CRB1: variants seen among roughly 807,000 people sequenced by gnomAD.
The protein encoded by CRB1 is protein crumbs homolog 1.
In CRB1, 83 loss-of-function variants were observed where a neutral mutation model predicts 120.0. The ratio of observed to expected loss-of-function variants is 0.69; its 90% CI spans 0.58 to 0.83. CRB1 has a LOEUF of 0.83. Ranked by LOEUF, CRB1 falls within the 40% of genes least tolerant of loss-of-function variation. The pLI, the probability that CRB1 is intolerant of heterozygous loss-of-function variation, is 0.00. For synonymous variants in CRB1, 625 were observed against 612.5 expected, an observed-to-expected ratio of 1.02 and a Z score of -0.30; for missense variants, 1,699 against 1,687.6, an observed-to-expected ratio of 1.01 and a Z score of -0.12.
intron 11 of CRB1, among the ~76,000 whole-genome samples, chr1:197,461,198 C>T (rs1431406562): frequency 6.6e-6 from 1 of 152,108 alleles, no homozygotes; most frequent in African/African-American, 2.4e-5. Context: ...GATTTATTTG[C>T]AGAACTCTAA....
At chr1:197,211,710 T>G in the CRB1 span, among the ~76,000 whole-genome samples, 1 of 152,228 alleles carries the variant, frequency 6.6e-6, no homozygotes, top group African/African-American at 2.4e-5. Context: ...TATGCCATAT[T>G]CATAAAGTGG....
chr1:197,460,001 C>CTTTTTTTTTT lies in CRB1; in HGVS notation c.4006-17650_4006-17641dup, dbSNP rs10679172. On this transcript the variant is annotated intron_variant, in intron 11 of 11. Transcript: ENST00000367400. ...AGTAAGTCTTGCTTTAAGCCCCCCT[C>CTTTTTTTTTT]TTTTTTTTTTTTTTTTTTTTTTACT... Among the ~76,000 whole-genome samples the CTTTTTTTTTT allele has an allele frequency of 1.9e-3, 141 of 75,578 alleles. 4 individuals are homozygous for CTTTTTTTTTT. Among genetic ancestry groups the CTTTTTTTTTT allele is most frequent in the East Asian group, 2.7e-3 (5 of 1,842 alleles). 49.6% of individuals were successfully genotyped at this position (75,578 alleles called of 152,430 possible).
chr1:197,433,202 T>C (rs1208730316), intron 8 of CRB1, among the ~76,000 whole-genome samples: 1 of 152,032 alleles, frequency 6.6e-6, no homozygotes, highest in Non-Finnish European at 1.5e-5. Flanking sequence ...ATGTACACTC[T>C]TGTGGTTATG....
At chr1:197,209,231 G>A in the CRB1 span, among the ~76,000 whole-genome samples, 10 of 152,280 alleles carry the variant, frequency 6.6e-5, no homozygotes, top group African/African-American at 2.2e-4. Flanking sequence ...CTGCACTCCC[G>A]ATTTGCTCCC....
the CRB1 span, among the ~76,000 whole-genome samples, chr1:197,235,503 G>A: frequency 6.6e-6 from 1 of 152,218 alleles, no homozygotes; most frequent in Non-Finnish European, 1.5e-5. Flanking sequence ...TAACCTGCTA[G>A]ATGATGACAG....
At chr1:197,400,469 G>C (rs941529967) in intron 5 of CRB1, among the ~76,000 whole-genome samples, 5 of 116,272 alleles carry the variant, frequency 4.3e-5, no homozygotes, top group Admixed American at 2.9e-4. Context: ...AAGTAAAAGA[G>C]CATTTTTTTT....
chr1:197,282,966 A>T (rs987161994), intron 1 of CRB1, among the ~76,000 whole-genome samples: 3 of 151,832 alleles, frequency 2.0e-5, no homozygotes, highest in Non-Finnish European at 2.9e-5. Context: ...CCCAGGAATA[A>T]AGCTAGTGAA....
At chr1:197,332,975 G>A (rs1173310833) in intron 2 of CRB1, among the ~76,000 whole-genome samples, 1 of 152,196 alleles carries the variant, frequency 6.6e-6, no homozygotes, top group Non-Finnish European at 1.5e-5. Context: ...CAGCATGGAT[G>A]TGCTGGAGTG....
At chr1:197,457,381 G>T (rs1274267250) in intron 11 of CRB1, among the ~76,000 whole-genome samples, 2 of 152,050 alleles carry the variant, frequency 1.3e-5, no homozygotes, top group Non-Finnish European at 2.9e-5. Context: ...ATCAGAGAGA[G>T]GATAAGTATC....
intron 1 of CRB1, among the ~76,000 whole-genome samples, chr1:197,273,378 C>T: frequency 6.6e-6 from 1 of 152,054 alleles, no homozygotes; most frequent in South Asian, 2.1e-4. Context: ...TGATATTGAC[C>T]TTACTCACCT....
chr1:197,376,416 A>T (rs1179062304), intron 5 of CRB1, among the ~76,000 whole-genome samples: 2 of 152,228 alleles, frequency 1.3e-5, no homozygotes, highest in Admixed American at 6.5e-5. Context: ...CAAACAAAAT[A>T]ATCACAAAAC....
intron 5 of CRB1, among the ~76,000 whole-genome samples, chr1:197,360,030 C>A (rs866211763): frequency 1.3e-5 from 2 of 150,834 alleles, no homozygotes; most frequent in African/African-American, 4.9e-5. Flanking sequence ...ATTTCATTTT[C>A]TTTTGAGGGA....
intron 6 of CRB1, among the ~76,000 whole-genome samples, chr1:197,426,237 A>G (rs909837042): frequency 1.3e-4 from 19 of 151,944 alleles, no homozygotes; most frequent in African/African-American, 4.6e-4. Flanking sequence ...GACCACTTTC[A>G]CATTACCACT....
intron 5 of CRB1, among the ~76,000 whole-genome samples, chr1:197,402,175 T>C (rs1663098694): frequency 6.6e-6 from 1 of 152,088 alleles, no homozygotes; most frequent in Non-Finnish European, 1.5e-5. Context: ...CAATAGTTAT[T>C]TAGTTATTTT....
At chr1:197,320,900 C>T (rs767544647) in intron 1 of CRB1, among the ~76,000 whole-genome samples, 11 of 152,110 alleles carry the variant, frequency 7.2e-5, no homozygotes, top group African/African-American at 2.7e-4. Flanking sequence ...GTAGAGCCAT[C>T]CTTATACTTT....
chr1:197,312,190 A>G (rs187733580), intron 1 of CRB1, among the ~76,000 whole-genome samples: 2 of 152,338 alleles, frequency 1.3e-5, no homozygotes, highest in East Asian at 3.9e-4. Context: ...ACTACATAGT[A>G]ACTGTTTATT....
At chr1:197,236,498 C>G in the CRB1 span, among the ~76,000 whole-genome samples, 34 of 152,156 alleles carry the variant, frequency 2.2e-4, no homozygotes, top group Non-Finnish European at 4.0e-4. Context: ...TGCGCTCGGC[C>G]AGCTTTTATT....
At chr1:197,357,194 C>A in intron 5 of CRB1, 181 bp downstream of exon 5, 1 of 691,116 alleles carries the variant, frequency 1.4e-6, no homozygotes, top group Non-Finnish European at 2.6e-6. Context: ...TTCCTCAAAT[C>A]ACGAGAGAAA....
At chr1:197,415,633 TTTCTTTTC>T (rs1663946410) in intron 5 of CRB1, among the ~76,000 whole-genome samples, 1 of 128,574 alleles carries the variant, frequency 7.8e-6, no homozygotes, top group African/African-American at 3.0e-5. Context: ...CTTTTTCTTT[TTTCTTTTC>T]TTTTTTTTTT....
Sources: allele counts gnomAD v4.1 joint callset (sites outside exome capture counted in the v4.1 genomes callset), GRCh38; gene constraint gnomAD v4.1.1; transcripts MANE v1.5; gene names NCBI Gene and HGNC (gene_info 2026-07-23, HGNC 2026-07-21).